EXOC4: variants seen among roughly 807,000 people sequenced by gnomAD.
EXOC4 encodes the protein SEC8-like 1.
EXOC4 carries 71 observed loss-of-function variants against 107.2 expected under a neutral mutation model. The ratio of observed to expected loss-of-function variants is 0.66; its 90% CI spans 0.55 to 0.81. EXOC4 has a LOEUF of 0.81. Ranked by LOEUF, EXOC4 falls within the 30% of genes least tolerant of loss-of-function variation. The probability of loss-of-function intolerance (pLI) is 0.00; values close to 1 mark genes in which losing one functional copy is unlikely to be tolerated. For synonymous variants in EXOC4, 456 were observed against 441.2 expected, an observed-to-expected ratio of 1.03 and a Z score of -0.42; for missense variants, 1,108 against 1,189.6, an observed-to-expected ratio of 0.93 and a Z score of 1.01.
intron 11 of EXOC4, among the ~76,000 whole-genome samples, chr7:133,866,672 A>AT (rs1798647252): frequency 6.6e-6 from 1 of 152,172 alleles, no homozygotes; most frequent in South Asian, 2.1e-4. Context: ...ACTCATTTTG[A>AT]TTCATCGCTG....
chr7:133,565,607 A>G (rs544849830), intron 9 of EXOC4, among the ~76,000 whole-genome samples: 2 of 152,318 alleles, frequency 1.3e-5, no homozygotes, highest in Admixed American at 6.5e-5. Flanking sequence ...TCAGATATAC[A>G]GTAACCAATC....
chr7:133,392,472 G>A (rs550309368), intron 7 of EXOC4, among the ~76,000 whole-genome samples: 111 of 152,280 alleles, frequency 7.3e-4, no homozygotes, highest in African/African-American at 2.5e-3. Context: ...GGGCCCATGT[G>A]TATAGGGTCA....
chr7:133,842,904 CAAT>C (rs1798051299), intron 11 of EXOC4, among the ~76,000 whole-genome samples: 1 of 152,090 alleles, frequency 6.6e-6, no homozygotes, highest in Non-Finnish European at 1.5e-5. Context: ...GGAGTCCATT[CAAT>C]AAATGAACAA....
chr7:134,098,592 C>T, the EXOC4 span, among the ~76,000 whole-genome samples: 2 of 152,102 alleles, frequency 1.3e-5, no homozygotes, highest in Non-Finnish European at 2.9e-5. Context: ...ATCAGTACTT[C>T]AGGGGTAGCA....
At chr7:133,347,122 A>G (rs1795800126) in intron 5 of EXOC4, among the ~76,000 whole-genome samples, 1 of 152,122 alleles carries the variant, frequency 6.6e-6, no homozygotes, top group African/African-American at 2.4e-5. Flanking sequence ...AAAATATTTA[A>G]CTGTATAAAT....
intron 17 of EXOC4, among the ~76,000 whole-genome samples, chr7:134,039,195 G>A (rs761705047): frequency 2.6e-5 from 4 of 152,114 alleles, no homozygotes; most frequent in South Asian, 2.1e-4. Flanking sequence ...ATGTACTCAC[G>A]TAGGTATGGT....
chr7:133,441,007 T>G (rs1464040054), intron 7 of EXOC4, among the ~76,000 whole-genome samples: 2 of 135,732 alleles, frequency 1.5e-5, no homozygotes, highest in Non-Finnish European at 3.2e-5. Flanking sequence ...TGGATGTGGA[T>G]CAGGACCCCT....
chr7:133,923,695 C>T (rs1015338788), intron 13 of EXOC4, among the ~76,000 whole-genome samples: 9 of 152,188 alleles, frequency 5.9e-5, no homozygotes, highest in African/African-American at 2.2e-4. Context: ...TCTTCTCCCA[C>T]TGTACAGGCC....
At chr7:133,730,074 A>C (rs1795294792) in intron 10 of EXOC4, among the ~76,000 whole-genome samples, 1 of 150,700 alleles carries the variant, frequency 6.6e-6, no homozygotes, top group Admixed American at 6.6e-5. Flanking sequence ...GCTTTTGACC[A>C]AATTAGAGCA....
chr7:133,910,446 CAG>C (rs770024599), intron 12 of EXOC4, among the ~76,000 whole-genome samples: 24 of 152,168 alleles, frequency 1.6e-4, no homozygotes, highest in Non-Finnish European at 3.5e-4. Context: ...GGGCCTTCTC[CAG>C]AGTTATCAGA....
chr7:133,527,768 G>A (rs994024364), intron 9 of EXOC4, among the ~76,000 whole-genome samples: 6 of 152,118 alleles, frequency 3.9e-5, no homozygotes, highest in African/African-American at 1.4e-4. Context: ...ACTTTATGAA[G>A]CCCTACAAAA....
rs1425516330 is a variant in EXOC4 at position 133,630,159 on chromosome 7, A to G, written c.1514+18A>G. The stretch of plus-strand genomic sequence containing the variant: ...TTACTAAGGTAAGTCAAGTGCTATG[A>G]TATACTTACTGAAGATCAATATTTT... On this transcript the variant is annotated intron_variant, in intron 10 of 17. Transcript: ENST00000253861. The G allele has an allele frequency of 3.9e-6, 6 of 1,547,352 alleles. No individual in the cohort carries two copies. Among genetic ancestry groups the G allele is most frequent in the African/African-American group, 2.7e-5 (2 of 73,578 alleles).
intron 5 of EXOC4, among the ~76,000 whole-genome samples, chr7:133,320,094 G>A (rs1424335851): frequency 6.6e-6 from 1 of 152,112 alleles, no homozygotes; most frequent in African/African-American, 2.4e-5. Flanking sequence ...CAGTTGACAA[G>A]TGGTTGTGAT....
chr7:133,564,673 C>T (rs1453521038), intron 9 of EXOC4, among the ~76,000 whole-genome samples: 1 of 152,154 alleles, frequency 6.6e-6, no homozygotes, highest in Admixed American at 6.5e-5. Context: ...CAGTCAAATG[C>T]TGAATTTTGA....
At chr7:133,855,130 T>TATATATATAAATATATATAA (rs1563028615) in intron 11 of EXOC4, among the ~76,000 whole-genome samples, 1 of 105,966 alleles carries the variant, frequency 9.4e-6, no homozygotes, top group Non-Finnish European at 1.9e-5. Flanking sequence ...TATATATAAA[T>TATATATATAAATATATATAA]ATATATATAT....
chr7:134,007,160 G>A (rs912545519), intron 16 of EXOC4, among the ~76,000 whole-genome samples: 2 of 152,148 alleles, frequency 1.3e-5, no homozygotes, highest in African/African-American at 2.4e-5. Flanking sequence ...ACTTGGCAAT[G>A]TTGAAATATA....
chr7:133,417,696 C>T (rs73724580), intron 7 of EXOC4, among the ~76,000 whole-genome samples: 10,955 of 152,110 alleles, frequency 0.072, 1,325 homozygotes, highest in African/African-American at 0.25. Flanking sequence ...GTAATATCCC[C>T]TCTTGCTTGC....
chr7:133,515,703 A>G (rs529395405), intron 9 of EXOC4, among the ~76,000 whole-genome samples: 77 of 152,240 alleles, frequency 5.1e-4, no homozygotes, highest in African/African-American at 1.8e-3. Context: ...TCCTGGCCTC[A>G]AGCGATTCTC....
chr7:134,018,621 CT>C (rs532504690), intron 17 of EXOC4, among the ~76,000 whole-genome samples: 66 of 151,182 alleles, frequency 4.4e-4, no homozygotes, highest in African/African-American at 1.4e-3. Context: ...TTTTATAATC[CT>C]TTTTTTTTAA....
Sources: allele counts gnomAD v4.1 joint callset (sites outside exome capture counted in the v4.1 genomes callset), GRCh38; gene constraint gnomAD v4.1.1; transcripts MANE v1.5; gene names NCBI Gene and HGNC (gene_info 2026-07-23, HGNC 2026-07-21).